Variants in SYN3 observed in about 807,000 individuals in gnomAD.
SYN3 encodes the protein synapsin III.
In SYN3, 35 loss-of-function variants were observed where a neutral mutation model predicts 65.8. The ratio of observed to expected loss-of-function variants is 0.53; its 90% CI spans 0.41 to 0.70. SYN3 has a LOEUF of 0.70. Among genes scored for constraint, SYN3 ranks in the 30% least tolerant of loss-of-function variants. The probability of loss-of-function intolerance (pLI) is 0.00; values close to 1 mark genes in which losing one functional copy is unlikely to be tolerated. For synonymous variants in SYN3, 270 were observed against 292.9 expected (o/e 0.92, Z 0.80); for missense variants, 680 against 749.0 (o/e 0.91, Z 1.08).
At chr22:32,840,624 C>T (rs1222235625) in intron 6 of SYN3, among the ~76,000 whole-genome samples, 1 of 152,046 alleles carries the variant, frequency 6.6e-6, no homozygotes, top group African/African-American at 2.4e-5. Flanking sequence ...CTTCCAGCTG[C>T]TCTCCTTACC....
At chr22:32,810,196 T>C (rs1164125063) in intron 6 of SYN3, among the ~76,000 whole-genome samples, 1 of 152,182 alleles carries the variant, frequency 6.6e-6, no homozygotes, top group Admixed American at 6.5e-5. Context: ...GTTCAGCTGT[T>C]AAAAAATTAG....
chr22:32,510,114 G>A lies in SYN3; in HGVS notation c.*3578C>T, dbSNP rs1215343872. Among the ~76,000 whole-genome samples, 1 of 152,120 alleles carries A rather than the reference G, an allele frequency of 6.6e-6. No individual in the cohort carries two copies. The highest frequency in any genetic ancestry group is 2.4e-5 in the African/African-American group (1 of 41,428). On this transcript the variant is annotated 3_prime_UTR_variant, in exon 14 of 14. Coordinates refer to ENST00000358763, the MANE Select transcript of SYN3 (RefSeq NM_003490.4). ...TTTAGGCCATGTGGTCATTGTTCAC[G>A]GGGCCACTAGTTTCACTCACTAAAG... is the stretch of plus-strand genomic sequence containing the variant.
intron 7 of SYN3, among the ~76,000 whole-genome samples, chr22:32,555,917 C>T (rs752808000): frequency 1.3e-5 from 2 of 152,164 alleles, no homozygotes; most frequent in Non-Finnish European, 2.9e-5. Flanking sequence ...ATGTCCCAGA[C>T]TCTCAAGACA....
At chr22:32,536,636 C>T (rs1017516877) in intron 9 of SYN3, among the ~76,000 whole-genome samples, 1 of 152,164 alleles carries the variant, frequency 6.6e-6, no homozygotes, top group East Asian at 1.9e-4. Context: ...GCCAGGCCAA[C>T]CAGTACATAT....
At chr22:32,698,596 CTTGTT>C (rs1440079225) in intron 6 of SYN3, among the ~76,000 whole-genome samples, 4 of 152,034 alleles carry the variant, frequency 2.6e-5, no homozygotes, top group Non-Finnish European at 5.9e-5. Context: ...AATAATAACT[CTTGTT>C]TGTTTTTCTT....
At chr22:32,904,505 T>C (rs2049849483) in intron 4 of SYN3, among the ~76,000 whole-genome samples, 1 of 151,962 alleles carries the variant, frequency 6.6e-6, no homozygotes, top group Non-Finnish European at 1.5e-5. Flanking sequence ...AGGCTTCTTT[T>C]GTGTTAGACC....
At chr22:32,539,167 A>G (rs1200987604) in intron 8 of SYN3, among the ~76,000 whole-genome samples, 1 of 152,214 alleles carries the variant, frequency 6.6e-6, no homozygotes. Context: ...AAAATGTATC[A>G]TTGTAAGAGA....
At chr22:32,645,186 G>C (rs2059965063) in intron 6 of SYN3, among the ~76,000 whole-genome samples, 1 of 152,170 alleles carries the variant, frequency 6.6e-6, no homozygotes. Context: ...CCTCCCTAAA[G>C]CCAGACAATA....
chr22:32,969,784 G>A (rs181572461), intron 3 of SYN3, among the ~76,000 whole-genome samples: 199 of 152,274 alleles, frequency 1.3e-3, no homozygotes, highest in East Asian at 3.9e-3. Context: ...ACTCACTCAC[G>A]CATTCACTCA....
intron 6 of SYN3, among the ~76,000 whole-genome samples, chr22:32,847,656 C>A (rs2048105943): frequency 6.6e-6 from 1 of 152,060 alleles, no homozygotes; most frequent in South Asian, 2.1e-4. Context: ...GTGGAGCATC[C>A]ACAATGAGGA....
At chr22:32,967,175 T>G (rs1313858671) in intron 3 of SYN3, among the ~76,000 whole-genome samples, 2 of 152,222 alleles carry the variant, frequency 1.3e-5, no homozygotes, top group African/African-American at 2.4e-5. Flanking sequence ...CATTAATTCC[T>G]TCAGAGCCCA....
At chr22:32,954,506 T>C (rs976889353) in intron 3 of SYN3, among the ~76,000 whole-genome samples, 39 of 152,404 alleles carry the variant, frequency 2.6e-4, no homozygotes, top group African/African-American at 9.1e-4. Flanking sequence ...CCCATTGCTA[T>C]GAGCTGGGCT....
chr22:32,877,926 C>T (rs2049024810), intron 4 of SYN3, among the ~76,000 whole-genome samples: 1 of 152,326 alleles, frequency 6.6e-6, no homozygotes, highest in Middle Eastern at 3.4e-3. Flanking sequence ...TAGAGCACTT[C>T]CTTGGTGCCA....
At chr22:33,057,625 T>G (rs1281915644) in intron 1 of SYN3, 1 of 152,716 alleles carries the variant, frequency 6.5e-6, no homozygotes, top group African/African-American at 2.4e-5. Flanking sequence ...CTCCTCCTAC[T>G]GTCCCTCTTA....
chr22:32,573,910 C>T (rs1005202739), intron 7 of SYN3, among the ~76,000 whole-genome samples: 5 of 150,108 alleles, frequency 3.3e-5, no homozygotes, highest in South Asian at 2.1e-4. Flanking sequence ...GCTGGGATTA[C>T]GGGTGCCCGC....
intron 12 of SYN3, among the ~76,000 whole-genome samples, chr22:32,525,628 T>C (rs1264994990): frequency 6.7e-6 from 1 of 149,418 alleles, no homozygotes; most frequent in East Asian, 2.0e-4. Context: ...GAGAATGGCA[T>C]GAACCCGGGA....
intron 7 of SYN3, among the ~76,000 whole-genome samples, chr22:32,549,375 T>C (rs1303972404): frequency 1.3e-5 from 2 of 152,018 alleles, no homozygotes; most frequent in Non-Finnish European, 2.9e-5. Context: ...TGCCGCAGCC[T>C]CCCCAGTAGC....
intron 6 of SYN3, among the ~76,000 whole-genome samples, chr22:32,641,498 C>G (rs1296903201): frequency 6.7e-6 from 1 of 150,336 alleles, no homozygotes; most frequent in Non-Finnish European, 1.5e-5. Flanking sequence ...GTCCCAGCTA[C>G]TCGGGAGGCT....
intron 7 of SYN3, among the ~76,000 whole-genome samples, chr22:32,591,269 A>C (rs560883235): frequency 1.2e-3 from 190 of 152,346 alleles, no homozygotes; most frequent in African/African-American, 4.4e-3. Context: ...TAAAAACTGA[A>C]TAATAAGGCA....
Sources: allele counts gnomAD v4.1 joint callset (sites outside exome capture counted in the v4.1 genomes callset), GRCh38; gene constraint gnomAD v4.1.1; transcripts MANE v1.5; gene names NCBI Gene and HGNC (gene_info 2026-07-23, HGNC 2026-07-21).